Variants in FAM168B observed in about 807,000 individuals in gnomAD.
The protein encoded by FAM168B is family with sequence similarity 168 member B.
In FAM168B, 19 loss-of-function variants were observed where a neutral mutation model predicts 21.8. The ratio of observed to expected loss-of-function variants is 0.87; its 90% CI spans 0.61 to 1.28. The LOEUF (loss-of-function observed/expected upper bound fraction) is 1.28. Ranked by LOEUF, FAM168B falls within the 50% of genes most tolerant of loss-of-function variation. The pLI, the probability that FAM168B is intolerant of heterozygous loss-of-function variation, is 0.00. For synonymous variants in FAM168B, 126 were observed against 104.8 expected, an observed-to-expected ratio of 1.20 and a Z score of -1.24; for missense variants, 233 against 263.1, an observed-to-expected ratio of 0.89 and a Z score of 0.79.
At chr2:131,069,509 T>G (rs1033633130) in intron 3 of FAM168B, among the ~76,000 whole-genome samples, 13 of 152,130 alleles carry the variant, frequency 8.5e-5, no homozygotes, top group East Asian at 3.8e-4. Context: ...GTTTTTTTTT[T>G]TGGGGACGGA....
Position 131,050,572 on chromosome 2 carries a change from A to AAT in FAM168B, c.*1891_*1892dup. 1 of 985,640 alleles carries AAT rather than the reference A, an allele frequency of 1.0e-6. No homozygotes were observed. The allele number at this position is 985,640 out of a possible 1,614,324, so 61.1% of individuals were successfully genotyped here. ...TACTTATCAGTAAACATTCTATGTT[A>AAT]ATAGACATCAGGAATAAAGAATCTG... is the stretch of plus-strand genomic sequence containing the variant. On this transcript the variant is annotated 3_prime_UTR_variant, in exon 7 of 7. Coordinates refer to ENST00000389915, the MANE Select transcript of FAM168B (RefSeq NM_001009993.4).
At chr2:131,064,164 G>C (rs1558958047) in intron 3 of FAM168B, among the ~76,000 whole-genome samples, 1 of 152,102 alleles carries the variant, frequency 6.6e-6, no homozygotes, top group Non-Finnish European at 1.5e-5. Context: ...CAGGGAAGAG[G>C]ACATGCACAG....
At chr2:131,084,120 C>G (rs1377730610) in intron 1 of FAM168B, among the ~76,000 whole-genome samples, 1 of 151,882 alleles carries the variant, frequency 6.6e-6, no homozygotes, top group Non-Finnish European at 1.5e-5. Context: ...CCAGGATGGT[C>G]TCATCTCTTG....
intron 3 of FAM168B, among the ~76,000 whole-genome samples, chr2:131,070,336 A>G (rs1692811499): frequency 6.6e-6 from 1 of 152,256 alleles, no homozygotes; most frequent in Non-Finnish European, 1.5e-5. Context: ...GCAAATACGC[A>G]CATGAAAAGA....
intron 2 of FAM168B, among the ~76,000 whole-genome samples, chr2:131,072,326 G>A (rs1331497257): frequency 4.6e-5 from 7 of 151,848 alleles, no homozygotes; most frequent in African/African-American, 1.7e-4. Flanking sequence ...GTTTCATCAC[G>A]TTAGCCAGGC....
chr2:131,088,158 A>T (rs1427205450), intron 1 of FAM168B, among the ~76,000 whole-genome samples: 1 of 152,124 alleles, frequency 6.6e-6, no homozygotes, highest in Non-Finnish European at 1.5e-5. Context: ...AGGCATGAGA[A>T]CCGCTTCAAC....
Position 131,053,123 on chromosome 2 carries a change from A to G in FAM168B, c.476-108T>C. Reference sequence around the variant, plus strand: ...TTTGCAAGGAGGAGGGTATACAGGAAGAGGGATAGTCTTGACCCAGATACT... The same window carrying G: ...TTTGCAAGGAGGAGGGTATACAGGAGGAGGGATAGTCTTGACCCAGATACT... On this transcript the variant is annotated intron_variant, in intron 5 of 6. Coordinates refer to ENST00000389915, the MANE Select transcript of FAM168B (RefSeq NM_001009993.4). The G allele has an allele frequency of 9.3e-6, 13 of 1,402,088 alleles. No homozygotes were observed. In the South Asian group the frequency reaches 1.7e-4, roughly 18 times the overall value. 86.9% of individuals were successfully genotyped at this position (1,402,088 alleles called of 1,614,324 possible). A position where few individuals can be genotyped will look rare whatever the true frequency, so the allele number is the denominator to read the frequency against.
chr2:131,049,184 C>T lies in FAM168B; in HGVS notation c.*3281G>A, dbSNP rs899545098. 18 of 985,254 alleles carry T rather than the reference C, an allele frequency of 1.8e-5. No individual in the cohort carries two copies. The highest frequency in any genetic ancestry group is 2.0e-5 in the Non-Finnish European group (17 of 829,940). 61.0% of individuals were successfully genotyped at this position (985,254 alleles called of 1,614,324 possible). The stretch of plus-strand genomic sequence containing the variant: ...TATTTCCTCTCGTTACTGTTGTGTC[C>T]CCCAAGACACATGCAAATTATTTCC... On this transcript the variant is annotated 3_prime_UTR_variant, in exon 7 of 7. Transcript: ENST00000389915.
rs370570470 is a variant in FAM168B, at chr2:131,052,901, G to T, written c.*2C>A. On this transcript the variant is annotated 3_prime_UTR_variant, in exon 6 of 7. Transcript: ENST00000389915. ...TCCCTGGTCACTTACATTTGCAGGT[G>T]ATCACCACTGAGGGGGCACATAGCT... is the stretch of plus-strand genomic sequence containing the variant. The T allele has an allele frequency of 1.0e-5, 16 of 1,554,026 alleles. No individual in the cohort carries two copies. The African/African-American group carries it at 2.2e-4, about 21-fold the overall frequency.
intron 3 of FAM168B, among the ~76,000 whole-genome samples, chr2:131,068,248 TC>T (rs986820910): frequency 1.1e-4 from 16 of 152,262 alleles, no homozygotes; most frequent in African/African-American, 3.9e-4. Context: ...AACCTCTGCC[TC>T]CCAGGTTCAA....
rs1412223100 is a variant in FAM168B at position 131,093,242 on chromosome 2, T to G, written c.-40A>C. ...GCCGCGGCGGCGACCTGGGCCTCAG[T>G]GACCAGCGCACGCCGGCCCGCGGCG... is the stretch of plus-strand genomic sequence containing the variant. On this transcript the variant is annotated 5_prime_UTR_variant, in exon 1 of 7. Transcript: ENST00000389915. 6.7e-6 allele frequency: 1 copy of G among 150,216 alleles called. No individual in the cohort carries two copies. The highest frequency in any genetic ancestry group is 2.4e-5 in the African/African-American group (1 of 41,218). The allele number at this position is 150,216 out of a possible 1,614,324, so 9.3% of individuals were successfully genotyped here.
Position 131,050,998 on chromosome 2 carries a change from T to A in FAM168B, c.*1467A>T, listed in dbSNP as rs1573738630. On this transcript the variant is annotated 3_prime_UTR_variant, in exon 7 of 7. Transcript: ENST00000389915. Reference sequence around the variant, plus strand: ...GGACGGGCATATTTTGGGGGCGGGGTGGAGGGAAGCCTTTTCATTTCTTAT... The same window carrying A: ...GGACGGGCATATTTTGGGGGCGGGGAGGAGGGAAGCCTTTTCATTTCTTAT... The A allele has an allele frequency of 1.0e-6, 1 of 985,184 alleles. No homozygotes were observed. Among genetic ancestry groups the A allele is most frequent in the South Asian group, 4.7e-5 (1 of 21,288 alleles). The allele number at this position is 985,184 out of a possible 1,614,324, so 61.0% of individuals were successfully genotyped here. A position where few individuals can be genotyped will look rare whatever the true frequency, so the allele number is the denominator to read the frequency against.
In FAM168B at chr2:131,048,546, CTT is replaced by C; in HGVS notation, c.*3917_*3918del. 11 of 1,117,784 alleles carry C rather than the reference CTT, an allele frequency of 9.8e-6. No homozygotes were observed. The highest frequency in any genetic ancestry group is 1.2e-5 in the Non-Finnish European group (11 of 899,036). The allele number at this position is 1,117,784 out of a possible 1,614,324, so 69.2% of individuals were successfully genotyped here. On this transcript the variant is annotated 3_prime_UTR_variant, in exon 7 of 7. Transcript: ENST00000389915. ...ATAATGAGTAGGAAAAAGAGACAAA[CTT>C]TCTGAAACATGCAGTTTCCGACCCA...
chr2:131,074,054 C>T (rs1693012883), intron 2 of FAM168B, among the ~76,000 whole-genome samples: 1 of 152,212 alleles, frequency 6.6e-6, no homozygotes, highest in Non-Finnish European at 1.5e-5. Context: ...TCGATAAGGC[C>T]TCCCTTCCCT....
chr2:131,070,033 A>G (rs1692794534), intron 3 of FAM168B, among the ~76,000 whole-genome samples: 1 of 149,972 alleles, frequency 6.7e-6, no homozygotes, highest in African/African-American at 2.5e-5. Flanking sequence ...TAATTTTTGT[A>G]TTTTTAGTAG....
chr2:131,064,053 C>T (rs1692435290), intron 3 of FAM168B, among the ~76,000 whole-genome samples: 1 of 152,118 alleles, frequency 6.6e-6, no homozygotes, highest in African/African-American at 2.4e-5. Context: ...ATTCTCCCTC[C>T]CCAGGAAGCC....
chr2:131,090,224 C>G (rs1693939032), intron 1 of FAM168B, among the ~76,000 whole-genome samples: 1 of 148,030 alleles, frequency 6.8e-6, no homozygotes, highest in African/African-American at 2.5e-5. Flanking sequence ...GAGGCTGAGG[C>G]TGGAGAATGG....
chr2:131,075,845 T>C (rs1265659328), intron 2 of FAM168B, among the ~76,000 whole-genome samples: 3 of 152,060 alleles, frequency 2.0e-5, no homozygotes, highest in African/African-American at 4.8e-5. Context: ...ACACACACGA[T>C]AGTATTTAAG....
rs868379455 is a variant in FAM168B at position 131,051,023 on chromosome 2, T to G, written c.*1442A>C. 1 of 985,484 alleles carries G rather than the reference T, an allele frequency of 1.0e-6. No homozygotes were observed. Among genetic ancestry groups the G allele is most frequent in the South Asian group, 4.7e-5 (1 of 21,280 alleles). 61.0% of individuals were successfully genotyped at this position (985,484 alleles called of 1,614,324 possible). A position where few individuals can be genotyped will look rare whatever the true frequency, so the allele number is the denominator to read the frequency against. On this transcript the variant is annotated 3_prime_UTR_variant, in exon 7 of 7. Transcript: ENST00000389915. ...TGGAGGGAAGCCTTTTCATTTCTTA[T>G]GTACAAGATTCAGATCCTAAACTCA...
Sources: gnomAD v4.1 joint callset for allele counts (sites outside exome capture counted in the v4.1 genomes callset) on GRCh38, gnomAD v4.1.1 for gene constraint, MANE v1.5 for transcripts, NCBI Gene and HGNC (gene_info 2026-07-23, HGNC 2026-07-21) for gene names.